SPATA1: variants seen among roughly 807,000 people sequenced by gnomAD.
The protein encoded by SPATA1 is spermatogenesis-associated protein 1.
Under a neutral mutation model 59.6 loss-of-function variants are expected in SPATA1, and 57 were observed. The observed-to-expected ratio is 0.96, with a 90% CI of 0.77 to 1.19. The LOEUF is 1.19. Among genes scored for constraint, SPATA1 ranks in the 50% most tolerant of loss-of-function variants. The pLI is 0.00. For missense variants in SPATA1, 448 were observed against 480.7 expected, an observed-to-expected ratio of 0.93 and a Z score of 0.64; for synonymous variants, 147 against 163.9, an observed-to-expected ratio of 0.90 and a Z score of 0.79.
At chr1:84,520,835 T>G in intron 3 of SPATA1, 144 bp downstream of exon 3, 1 of 629,992 alleles carries the variant, frequency 1.6e-6, no homozygotes, top group South Asian at 1.9e-5. Flanking sequence ...TAATGAATAC[T>G]ATCAATATAT....
At chr1:84,549,078 A>T in intron 11 of SPATA1, 114 bp downstream of exon 11, 2 of 1,036,812 alleles carry the variant, frequency 1.9e-6, no homozygotes. Context: ...AAACTTGCTT[A>T]AAACAATAAA....
rs1219997926 is a variant in SPATA1 at position 84,526,217 on chromosome 1, TA to T, written c.544+151del. 6 of 635,260 alleles carry T rather than the reference TA, an allele frequency of 9.4e-6. No homozygotes were observed. In the East Asian group the frequency reaches 1.1e-4, roughly 12 times the overall value. 39.4% of individuals were successfully genotyped at this position (635,260 alleles called of 1,614,324 possible). A position where few individuals can be genotyped will look rare whatever the true frequency, so the allele number is the denominator to read the frequency against. ...AGCTACAATTCCACTTGGGGATTTC[TA>T]AAAAAATATTTTTGCCAGATGGGAG... On this transcript the variant is annotated intron_variant, in intron 6 of 12. Transcript: ENST00000490879.
chr1:84,559,725 G>A (rs1032213654), intron 4 of SPATA1, among the ~76,000 whole-genome samples: 18 of 152,170 alleles, frequency 1.2e-4, no homozygotes, highest in African/African-American at 4.1e-4. Context: ...TAATTAGATT[G>A]TTTTCTGAAG....
At chr1:84,547,126 T>C (rs971638681) in intron 10 of SPATA1, among the ~76,000 whole-genome samples, 1 of 152,242 alleles carries the variant, frequency 6.6e-6, no homozygotes, top group East Asian at 1.9e-4. Context: ...CTTTACAATG[T>C]GTTATCCTGA....
chr1:84,516,357 AAT>A, exon 2 of SPATA1: 1 of 1,525,810 alleles, frequency 6.6e-7, no homozygotes, highest in East Asian at 2.5e-5. Flanking sequence ...GACATTAGTG[AAT>A]ATGTCACTCA....
chr1:84,538,381 G>A (rs535046893), intron 8 of SPATA1, among the ~76,000 whole-genome samples: 11 of 152,272 alleles, frequency 7.2e-5, no homozygotes, highest in East Asian at 3.9e-4. Context: ...GCTCCTTGTC[G>A]TAATCTAGTT....
chr1:84,535,067 A>G (rs1465444444), intron 8 of SPATA1, among the ~76,000 whole-genome samples: 3 of 152,162 alleles, frequency 2.0e-5, no homozygotes, highest in African/African-American at 7.2e-5. Context: ...GTTGTGGTTC[A>G]GTTGAGATCC....
At chr1:84,542,671 C>T (rs1288594863) in intron 8 of SPATA1, among the ~76,000 whole-genome samples, 4 of 152,058 alleles carry the variant, frequency 2.6e-5, no homozygotes, top group African/African-American at 9.7e-5. Context: ...TCTTTATTTC[C>T]TCACTTACAT....
At chr1:84,544,642 C>G (rs1462966966) in intron 9 of SPATA1, among the ~76,000 whole-genome samples, 1 of 151,940 alleles carries the variant, frequency 6.6e-6, no homozygotes, top group African/African-American at 2.4e-5. Flanking sequence ...CTCACTGCAA[C>G]CTCCGCCTCT....
chr1:84,506,555 T>A (rs1682254900), intron 1 of SPATA1, 137 bp downstream of exon 1: 1 of 154,018 alleles, frequency 6.5e-6, no homozygotes, highest in African/African-American at 2.4e-5. Flanking sequence ...TTCCTCCCAG[T>A]TTGTGGGAAG....
At chr1:84,512,814 TAGTC>T (rs1484997261) in intron 1 of SPATA1, among the ~76,000 whole-genome samples, 3 of 152,342 alleles carry the variant, frequency 2.0e-5, no homozygotes, top group Non-Finnish European at 4.4e-5. Flanking sequence ...CACTTTTAGA[TAGTC>T]AGTACCAGTT....
chr1:84,542,035 T>C (rs150210003), intron 8 of SPATA1, among the ~76,000 whole-genome samples: 2,735 of 152,250 alleles, frequency 0.018, 75 homozygotes, highest in African/African-American at 0.061. Context: ...AATGGCACGA[T>C]CTCAGCTCCC....
chr1:84,522,333 T>C, intron 3 of SPATA1, 57 bp from the exon 4 acceptor site: 3 of 968,844 alleles, frequency 3.1e-6, no homozygotes, highest in Non-Finnish European at 4.4e-6. Flanking sequence ...ATTGAATCAT[T>C]AGTATATCCA....
At chr1:84,517,670 T>C (rs1682855110) in intron 2 of SPATA1, among the ~76,000 whole-genome samples, 1 of 152,052 alleles carries the variant, frequency 6.6e-6, no homozygotes, top group Admixed American at 6.6e-5. Flanking sequence ...TCTACTTGAC[T>C]CTTCTTTCAA....
intron 1 of SPATA1, among the ~76,000 whole-genome samples, chr1:84,514,867 A>G (rs1313684584): frequency 6.6e-6 from 1 of 152,158 alleles, no homozygotes; most frequent in East Asian, 1.9e-4. Context: ...GCTACTTGGG[A>G]GGCTGAGGCA....
intron 6 of SPATA1, among the ~76,000 whole-genome samples, chr1:84,526,589 C>T (rs982795091): frequency 1.3e-5 from 2 of 151,860 alleles, no homozygotes; most frequent in African/African-American, 2.4e-5. Context: ...GTGATAGGGG[C>T]CAGGAGTGGT....
At chr1:84,532,303 C>T (rs1320179740) in intron 6 of SPATA1, among the ~76,000 whole-genome samples, 1 of 152,140 alleles carries the variant, frequency 6.6e-6, no homozygotes, top group Non-Finnish European at 1.5e-5. Context: ...CAAGACAAGC[C>T]TTGCCAACCT....
chr1:84,566,935 T>C (rs1307561384), downstream of SPATA1, among the ~76,000 whole-genome samples: 1 of 152,208 alleles, frequency 6.6e-6, no homozygotes, highest in African/African-American at 2.4e-5. Flanking sequence ...CAGCCTTATC[T>C]TTCATTTTGA....
At chr1:84,554,251 C>G (rs2102013233) in exon 13 of SPATA1, 1 of 152,178 alleles carries the variant, frequency 6.6e-6, no homozygotes, top group Non-Finnish European at 1.5e-5. Context: ...TGAACAGAAT[C>G]AAGTTCAACT....
Sources: allele counts gnomAD v4.1 joint callset (sites outside exome capture counted in the v4.1 genomes callset), GRCh38; gene constraint gnomAD v4.1.1; transcripts MANE v1.5; gene names NCBI Gene and HGNC (gene_info 2026-07-23, HGNC 2026-07-21).